ZNF100: variants seen among roughly 807,000 people sequenced by gnomAD.
The protein encoded by ZNF100 is zinc finger protein 100.
ZNF100 carries 12 observed loss-of-function variants against 15.8 expected under a neutral mutation model. The observed-to-expected ratio is 0.76, with a 90% CI of 0.49 to 1.23. ZNF100 has a LOEUF of 1.23. ZNF100 is among the 50% of genes most tolerant of loss of function. ZNF100 has a pLI of 0.00. For missense variants in ZNF100, 670 were observed against 635.6 expected (o/e 1.05, Z -0.58); for synonymous variants, 226 against 214.8 (o/e 1.05, Z -0.45).
Position 21,765,778 on chromosome 19 carries a change from C to A in ZNF100, c.12G>T (p.Pro4=), listed in dbSNP as rs773715161. ...CCTTGAGAGGACACATTCCATACCT[C>A]GGGTCATCCTACGGGAGAAAATAAA... The part of the protein sequence containing the change: MDD[P]RYGMCPLKGA... The change falls in exon 2 of 5, where the codon CCG becomes CCT. Residue 4 remains proline, a synonymous_variant. Transcript: ENST00000358296. The A allele has an allele frequency of 1.2e-6, 2 of 1,614,072 alleles. No homozygotes were observed. Among genetic ancestry groups the A allele is most frequent in the South Asian group, 1.1e-5 (1 of 91,074 alleles).
At chr19:21,750,118 G>C (rs756257601) in intron 2 of ZNF100, among the ~76,000 whole-genome samples, 1 of 152,134 alleles carries the variant, frequency 6.6e-6, no homozygotes, top group Non-Finnish European at 1.5e-5. Flanking sequence ...TGTAACCTTG[G>C]AGCAAAAATA....
rs777032401 is a variant in ZNF100, at chr19:21,765,761, G to A, written c.29C>T (p.Pro10Leu). ...AGGGCATCCACTTGCTCCCTTGAGA[G>A]GACACATTCCATACCTCGGGTCATC... Reference protein sequence around the residue: MDDPRYGMCPLKGASGCPGA... With the variant: MDDPRYGMCLLKGASGCPGA... Residue 10 changes from proline (P) to leucine (L), a missense_variant, in exon 2 of 5, where the codon CCT becomes CTT. Transcript: ENST00000358296. 1.4e-5 allele frequency: 23 copies of A among 1,614,148 alleles called. No homozygotes were observed. Among genetic ancestry groups the A allele is most frequent in the Non-Finnish European group, 1.8e-5 (21 of 1,180,030 alleles).
intron 4 of ZNF100, among the ~76,000 whole-genome samples, chr19:21,730,257 A>T (rs2035888753): frequency 1.3e-5 from 2 of 152,054 alleles, no homozygotes; most frequent in Non-Finnish European, 2.9e-5. Flanking sequence ...AAAAAACTGA[A>T]AGTGGCAAGA....
intron 4 of ZNF100, among the ~76,000 whole-genome samples, chr19:21,735,290 C>G (rs564680399): frequency 4.6e-5 from 7 of 151,974 alleles, no homozygotes; most frequent in South Asian, 4.1e-4. Context: ...GTCAGGAGAT[C>G]GAGACCATCT....
intron 2 of ZNF100, among the ~76,000 whole-genome samples, chr19:21,764,984 C>A (rs1472529028): frequency 2.0e-5 from 3 of 152,074 alleles, no homozygotes; most frequent in African/African-American, 7.2e-5. Context: ...AAAAGCTAAG[C>A]CTTGAAATTC....
At chr19:21,733,678 TGAAGCACACCC>T (rs1745687873) in intron 4 of ZNF100, among the ~76,000 whole-genome samples, 1 of 152,280 alleles carries the variant, frequency 6.6e-6, no homozygotes, top group African/African-American at 2.4e-5. Flanking sequence ...TTTCTCCCAG[TGAAGCACACCC>T]CCTTCACCAA....
At chr19:21,753,833 G>GA (rs1464296669) in intron 2 of ZNF100, among the ~76,000 whole-genome samples, 1 of 152,160 alleles carries the variant, frequency 6.6e-6, no homozygotes, top group Admixed American at 6.5e-5. Context: ...GGGCCCTAAT[G>GA]ATAGAAGGTG....
chr19:21,754,133 A>G (rs1295856442), intron 2 of ZNF100, among the ~76,000 whole-genome samples: 1 of 152,098 alleles, frequency 6.6e-6, no homozygotes, highest in Non-Finnish European at 1.5e-5. Context: ...TTCCTCTACT[A>G]TAGCAATATT....
chr19:21,749,190 A>G (rs1028514763), intron 2 of ZNF100, among the ~76,000 whole-genome samples: 2 of 152,022 alleles, frequency 1.3e-5, no homozygotes, highest in Non-Finnish European at 2.9e-5. Flanking sequence ...TTATCTTTTG[A>G]GTCACCGGAC....
intron 2 of ZNF100, chr19:21,750,858 G>A (rs116197203): frequency 6.6e-4 from 337 of 513,552 alleles, no homozygotes; most frequent in African/African-American, 5.7e-3. Context: ...TGGGGAACAC[G>A]CTGACCTATT....
At chr19:21,734,336 TTAACCCGAA>T (rs1297639316) in intron 4 of ZNF100, among the ~76,000 whole-genome samples, 2 of 152,064 alleles carry the variant, frequency 1.3e-5, no homozygotes, top group Non-Finnish European at 2.9e-5. Context: ...ACAGGAGCTG[TTAACCCGAA>T]TAACCAGTTT....
chr19:21,753,625 T>A (rs1301665489), intron 2 of ZNF100: 1 of 152,198 alleles, frequency 6.6e-6, no homozygotes, highest in Non-Finnish European at 1.5e-5. Context: ...TTATGAAGGT[T>A]TGTAGCACTT....
intron 4 of ZNF100, among the ~76,000 whole-genome samples, chr19:21,742,880 A>G (rs1321399725): frequency 6.6e-6 from 1 of 152,216 alleles, no homozygotes; most frequent in Admixed American, 6.5e-5. Flanking sequence ...GCATTAAAAT[A>G]ATAAATTTCT....
intron 4 of ZNF100, among the ~76,000 whole-genome samples, chr19:21,738,716 T>C (rs1398829967): frequency 6.6e-6 from 1 of 152,084 alleles, no homozygotes; most frequent in African/African-American, 2.4e-5. Flanking sequence ...CCAAGCACTT[T>C]GGGAGGTCGA....
intron 1 of ZNF100, 56 bp downstream of exon 1, chr19:21,767,371 C>T: frequency 6.2e-7 from 1 of 1,609,902 alleles, no homozygotes. Flanking sequence ...CTACTTCCCA[C>T]CAGTTCCAAC....
chr19:21,744,819 A>G (rs1383455386), intron 3 of ZNF100, 122 bp downstream of exon 3: 72 of 1,481,662 alleles, frequency 4.9e-5, no homozygotes, highest in Non-Finnish European at 6.6e-5. Flanking sequence ...CAGCCTCAAG[A>G]TTTTCTTGAA....
At chr19:21,732,140 C>T (rs991008704) in intron 4 of ZNF100, among the ~76,000 whole-genome samples, 1 of 151,714 alleles carries the variant, frequency 6.6e-6, no homozygotes, top group Non-Finnish European at 1.5e-5. Flanking sequence ...CACTACACCC[C>T]AGTCTTGGCG....
At chr19:21,748,167 A>G (rs1568304601) in intron 2 of ZNF100, among the ~76,000 whole-genome samples, 1 of 152,250 alleles carries the variant, frequency 6.6e-6, no homozygotes, top group South Asian at 2.1e-4. Context: ...ATTTAAAAAA[A>G]TAAGATGTTA....
At chr19:21,729,514 C>A (rs1031219074) in intron 4 of ZNF100, among the ~76,000 whole-genome samples, 4 of 151,764 alleles carry the variant, frequency 2.6e-5, no homozygotes, top group African/African-American at 9.7e-5. Context: ...CACATGTATA[C>A]ATATGTAACA....
Sources: gnomAD v4.1 joint callset for allele counts (sites outside exome capture counted in the v4.1 genomes callset) on GRCh38, gnomAD v4.1.1 for gene constraint, MANE v1.5 for transcripts, NCBI Gene and HGNC (gene_info 2026-07-23, HGNC 2026-07-21) for gene names.